Variants in SCIN observed in about 807,000 individuals in gnomAD.
SCIN encodes scinderin, also known as adseverin.
In SCIN, 91 loss-of-function variants were observed where a neutral mutation model predicts 91.8. The observed-to-expected ratio is 0.99, with a 90% CI of 0.84 to 1.18. SCIN has a LOEUF of 1.18. SCIN is among the 50% of genes most tolerant of loss of function. The pLI, the probability that SCIN is intolerant of heterozygous loss-of-function variation, is 0.00. For synonymous variants in SCIN, 367 were observed against 312.6 expected (o/e 1.17, Z -1.84); for missense variants, 1,087 against 863.9 (o/e 1.26, Z -3.24).
intron 4 of SCIN, among the ~76,000 whole-genome samples, chr7:12,610,330 T>G (rs528409641): frequency 6.6e-6 from 1 of 152,222 alleles, no homozygotes; most frequent in South Asian, 2.1e-4. Flanking sequence ...ATAGTGAAGA[T>G]AGTTCTTAAG....
intron 4 of SCIN, among the ~76,000 whole-genome samples, chr7:12,618,686 A>C (rs1783346921): frequency 6.6e-6 from 1 of 152,148 alleles, no homozygotes; most frequent in Non-Finnish European, 1.5e-5. Context: ...AATGCCTTGC[A>C]GCAAGTAAAT....
intron 3 of SCIN, among the ~76,000 whole-genome samples, chr7:12,601,458 T>C (rs1264839736): frequency 6.6e-6 from 1 of 152,334 alleles, no homozygotes; most frequent in East Asian, 1.9e-4. Flanking sequence ...CCTAGGTCCA[T>C]TTCCCTCACA....
chr7:12,631,462 A>T (rs1783641994), intron 9 of SCIN, among the ~76,000 whole-genome samples: 1 of 152,206 alleles, frequency 6.6e-6, no homozygotes, highest in South Asian at 2.1e-4. Context: ...ACTCATGTTG[A>T]AACTTAATTT....
At chr7:12,624,068 C>T (rs1045863780) in intron 5 of SCIN, among the ~76,000 whole-genome samples, 29 of 152,202 alleles carry the variant, frequency 1.9e-4, no homozygotes, top group Admixed American at 1.9e-3. Context: ...AAATATTCAT[C>T]CTGAGTCATA....
intron 3 of SCIN, among the ~76,000 whole-genome samples, chr7:12,602,561 C>T (rs1423047055): frequency 6.6e-6 from 1 of 152,116 alleles, no homozygotes; most frequent in Middle Eastern, 3.2e-3. Context: ...ATAAGACAGA[C>T]ACTCCCAGAG....
intron 1 of SCIN, 162 bp downstream of exon 1, chr7:12,571,147 C>G: frequency 1.3e-6 from 1 of 746,148 alleles, no homozygotes; most frequent in Non-Finnish European, 2.1e-6. Context: ...TTTCTCCCTA[C>G]CGAAGTCAAC....
intron 4 of SCIN, among the ~76,000 whole-genome samples, chr7:12,615,613 T>A (rs908247051): frequency 6.6e-6 from 1 of 152,168 alleles, no homozygotes; most frequent in Non-Finnish European, 1.5e-5. Context: ...TTCAACTGGC[T>A]TACCCCTTTG....
chr7:12,603,831 T>C (rs1191215519), intron 3 of SCIN, among the ~76,000 whole-genome samples: 1 of 152,120 alleles, frequency 6.6e-6, no homozygotes, highest in African/African-American at 2.4e-5. Flanking sequence ...ATAACTATTA[T>C]CCTATTCTTG....
chr7:12,607,685 A>G (rs753204556), intron 4 of SCIN, among the ~76,000 whole-genome samples: 50 of 152,228 alleles, frequency 3.3e-4, no homozygotes, highest in Non-Finnish European at 6.2e-4. Context: ...CACTCACACA[A>G]TGAACTGAGA....
chr7:12,652,495 A>T, intron 15 of SCIN, 93 bp from the exon 16 acceptor site: 2 of 1,143,888 alleles, frequency 1.7e-6, no homozygotes, highest in Non-Finnish European at 2.5e-6. Context: ...TGGAAATTTA[A>T]TTCATTACTT....
chr7:12,617,344 G>A lies in SCIN; in HGVS notation c.667-5457G>A, dbSNP rs549794596. ...TTAGATTACAGAGACTCTTAGTAGC[G>A]GCTCCACCCAGCTCAGCCTGCCTGA... On this transcript the variant is annotated intron_variant, in intron 4 of 15. Coordinates refer to ENST00000297029, the MANE Select transcript of SCIN (RefSeq NM_001112706.3). Among the ~76,000 whole-genome samples, 8 of 152,064 alleles carry A rather than the reference G, an allele frequency of 5.3e-5. No homozygotes were observed. In the Middle Eastern group the frequency reaches 0.01, roughly 194 times the overall value.
chr7:12,621,432 C>T (rs1030999238), intron 4 of SCIN, among the ~76,000 whole-genome samples: 1 of 152,000 alleles, frequency 6.6e-6, no homozygotes, highest in African/African-American at 2.4e-5. Flanking sequence ...TTAGAGTGTG[C>T]CTCAAATCCC....
At chr7:12,640,663 T>A (rs143870972) in intron 11 of SCIN, 146 bp downstream of exon 11, 1 of 757,810 alleles carries the variant, frequency 1.3e-6, no homozygotes, top group Non-Finnish European at 1.9e-6. Flanking sequence ...TTTAAAAACA[T>A]TTAAAGCAGG....
Position 12,657,657 on chromosome 7 carries a change from G to A in SCIN, c.*4942G>A, listed in dbSNP as rs1293422554. 2 of 136,304 alleles carry A rather than the reference G, an allele frequency of 1.5e-5. No individual in the cohort carries two copies. The highest frequency in any genetic ancestry group is 3.1e-5 in the Non-Finnish European group (2 of 65,332). The allele number at this position is 136,304 out of a possible 1,614,324, so 8.4% of individuals were successfully genotyped here. On this transcript the variant is annotated 3_prime_UTR_variant, in exon 16 of 16. Coordinates refer to ENST00000297029, the MANE Select transcript of SCIN (RefSeq NM_001112706.3). ...ATTTCCTTGTATAATGCAATCAGTG[G>A]AAGACAAATCAGAGGTATTATTTTC... is the stretch of plus-strand genomic sequence containing the variant.
intron 2 of SCIN, among the ~76,000 whole-genome samples, chr7:12,579,091 C>T (rs750876369): frequency 6.6e-6 from 1 of 151,812 alleles, no homozygotes; most frequent in Non-Finnish European, 1.5e-5. Context: ...CCCCACTGCC[C>T]TGCCCTGTGA....
intron 10 of SCIN, among the ~76,000 whole-genome samples, chr7:12,636,866 G>T (rs1187926600): frequency 1.3e-5 from 2 of 151,860 alleles, no homozygotes; most frequent in Admixed American, 6.6e-5. Flanking sequence ...ACTATACATT[G>T]TATGTACCCC....
Position 12,625,031 on chromosome 7 carries a change from A to T in SCIN, c.781A>T (p.Met261Leu). The change falls in exon 6 of 16, where the codon ATG (methionine) becomes TTG (leucine). Residue 261 changes from methionine to leucine, a missense_variant. Coordinates refer to ENST00000297029, the MANE Select transcript of SCIN (RefSeq NM_001112706.3). ...TTAGGTTTCAGATGCAAGTGGCTCCATGAGAGTGACTGTGGTGGCAGAAGA... is the reference window on the plus strand; with the variant it reads ...TTAGGTTTCAGATGCAAGTGGCTCCTTGAGAGTGACTGTGGTGGCAGAAGA... ...LYMVSDASGSMRVTVVAEENP... is the reference protein window; with the variant it reads ...LYMVSDASGSLRVTVVAEENP... 6.4e-7 allele frequency: 1 copy of T among 1,567,952 alleles called. No individual in the cohort carries two copies. Among genetic ancestry groups the T allele is most frequent in the South Asian group, 1.2e-5 (1 of 85,280 alleles).
At chr7:12,604,201 C>G (rs965014151) in intron 3 of SCIN, among the ~76,000 whole-genome samples, 2 of 151,978 alleles carry the variant, frequency 1.3e-5, no homozygotes, top group African/African-American at 4.8e-5. Context: ...TTCTTTACTA[C>G]TTTTCTGAAG....
At chr7:12,591,598 T>C (rs1231903244) in intron 3 of SCIN, among the ~76,000 whole-genome samples, 1 of 151,924 alleles carries the variant, frequency 6.6e-6, no homozygotes, top group African/African-American at 2.4e-5. Flanking sequence ...CAAGAGCAGT[T>C]TGGAGTTTGT....
Sources: gnomAD v4.1 joint callset for allele counts (sites outside exome capture counted in the v4.1 genomes callset) on GRCh38, gnomAD v4.1.1 for gene constraint, MANE v1.5 for transcripts, NCBI Gene and HGNC (gene_info 2026-07-23, HGNC 2026-07-21) for gene names.